GRIK5: variants seen among roughly 807,000 people sequenced by gnomAD.
GRIK5 encodes the protein glutamate receptor ionotropic, kainate 5.
GRIK5 carries 43 observed loss-of-function variants against 97.4 expected under a neutral mutation model. The observed-to-expected ratio is 0.44, with a 90% confidence interval of 0.35 to 0.57. The LOEUF (loss-of-function observed/expected upper bound fraction) is 0.57. GRIK5 is among the 20% of genes least tolerant of loss of function. The probability of loss-of-function intolerance (pLI) is 0.01; values close to 1 mark genes in which losing one functional copy is unlikely to be tolerated. For synonymous variants in GRIK5, 580 were observed against 583.5 expected, an observed-to-expected ratio of 0.99 and a Z score of 0.09; for missense variants, 1,015 against 1,382.0, an observed-to-expected ratio of 0.73 and a Z score of 4.21.
chr19:42,049,716 A>G (rs181393885), intron 11 of GRIK5, among the ~76,000 whole-genome samples: 9 of 152,330 alleles, frequency 5.9e-5, no homozygotes, highest in African/African-American at 1.9e-4. Flanking sequence ...GAGAAGTAAC[A>G]CGATTTGTGC....
intron 9 of GRIK5, 92 bp downstream of exon 9, chr19:42,054,228 G>A: frequency 7.3e-7 from 1 of 1,363,718 alleles, no homozygotes; most frequent in East Asian, 2.3e-5. Flanking sequence ...GGAAGAGCAG[G>A]GAGGGCAGAG....
rs146405283 is a variant in GRIK5 at position 42,056,275 on chromosome 19, C to G, written c.903+387G>C. Among the ~76,000 whole-genome samples, 9 of 152,216 alleles carry G rather than the reference C, an allele frequency of 5.9e-5. No individual in the cohort carries two copies. In the East Asian group the frequency reaches 1.7e-3, roughly 29 times the overall value. On this transcript the variant is annotated intron_variant, in intron 8 of 19. Coordinates refer to ENST00000593562, the MANE Select transcript of GRIK5 (RefSeq NM_002088.5). ...CTGGGATTACAGGTGTGAGCCACCG[C>G]GCCGGGCCAAGTTTACCATTTTTTA...
intron 8 of GRIK5, among the ~76,000 whole-genome samples, chr19:42,055,385 C>CTTGGTA (rs765823865): frequency 3.3e-5 from 5 of 152,182 alleles, no homozygotes; most frequent in Admixed American, 6.5e-5. Context: ...GTCTTGGTGT[C>CTTGGTA]TTGGTATCTG....
chr19:42,065,185 T>C lies in GRIK5; in HGVS notation c.244+38A>G. 6.4e-7 allele frequency: 1 copy of C among 1,572,190 alleles called. No individual in the cohort carries two copies. The highest frequency in any genetic ancestry group is 2.3e-5 in the East Asian group (1 of 44,250). On this transcript the variant is annotated intron_variant, in intron 3 of 19. Transcript: ENST00000593562. The surrounding 1 kb of genome is among the most constrained non-coding windows in gnomAD (Gnocchi z 5.8). ...AGGGATGGACTGAGGGCCACCGACC[T>C]GCCCTGCCTCACCCCACGCCCCCAT...
chr19:42,019,939 G>A (rs896246622), intron 15 of GRIK5, among the ~76,000 whole-genome samples: 1 of 151,594 alleles, frequency 6.6e-6, no homozygotes, highest in Non-Finnish European at 1.5e-5. Context: ...GTAACTTTTT[G>A]CAGTAGCAAT....
intron 1 of GRIK5, among the ~76,000 whole-genome samples, chr19:42,066,233 A>G (rs1209825586): frequency 6.6e-6 from 1 of 151,998 alleles, no homozygotes; most frequent in African/African-American, 2.4e-5. Flanking sequence ...ACTAGGCAAC[A>G]GAAACCGGCT....
intron 1 of GRIK5, among the ~76,000 whole-genome samples, chr19:42,066,583 T>C (rs1020910753): frequency 1.4e-5 from 2 of 147,250 alleles, no homozygotes; most frequent in East Asian, 2.0e-4. Context: ...TCAAAATAGA[T>C]AGAAATACAA....
At chr19:42,043,363 C>T (rs1442001397) in intron 11 of GRIK5, among the ~76,000 whole-genome samples, 1 of 151,874 alleles carries the variant, frequency 6.6e-6, no homozygotes, top group Admixed American at 6.6e-5. Flanking sequence ...TCCAATTCCC[C>T]ATGAGGGAGG....
In GRIK5 at chr19:42,062,408, G is replaced by A. The variant is rs2076270620; in HGVS notation, c.508+80C>T. 1 of 1,461,372 alleles carries A rather than the reference G, an allele frequency of 6.8e-7. No individual in the cohort carries two copies. The allele number at this position is 1,461,372 out of a possible 1,614,324, so 90.5% of individuals were successfully genotyped here. Reference sequence around the variant, plus strand: ...CCCAGGGTTCTAACTAGGGGGCAGTGAACCACTGTGTGGGACACCAGATCT... The same window carrying A: ...CCCAGGGTTCTAACTAGGGGGCAGTAAACCACTGTGTGGGACACCAGATCT... On this transcript the variant is annotated intron_variant, in intron 5 of 19. Coordinates refer to ENST00000593562, the MANE Select transcript of GRIK5 (RefSeq NM_002088.5). This position sits in a 1 kb window ranked among gnomAD's most constrained non-coding sequence, Gnocchi z 5.3.
chr19:42,058,035 G>A (rs1293748099), intron 6 of GRIK5, among the ~76,000 whole-genome samples: 2 of 152,156 alleles, frequency 1.3e-5, no homozygotes, highest in Non-Finnish European at 2.9e-5. Context: ...CACACGGCTG[G>A]CACGGGAGGG....
At position 42,065,467 on chromosome 19, in the gene GRIK5, T is replaced by G; in HGVS notation, c.80-80A>C. The G allele has an allele frequency of 6.4e-6, 9 of 1,412,100 alleles. No homozygotes were observed. The highest frequency in any genetic ancestry group is 1.4e-5 in the African/African-American group (1 of 70,486). The allele number at this position is 1,412,100 out of a possible 1,614,324, so 87.5% of individuals were successfully genotyped here. On this transcript the variant is annotated intron_variant, in intron 2 of 19. Transcript: ENST00000593562. This position sits in a 1 kb window ranked among gnomAD's most constrained non-coding sequence, Gnocchi z 5.8. ...GCTGTGGTCTTAGACTCCAGGGCTC[T>G]AGGGTGAGGTGGGTATACGGACCAG...
rs1340517451 is a variant in GRIK5, at chr19:42,062,068, CTCTT to C, written c.508+416_508+419del. 2.8e-4 allele frequency among the ~76,000 whole-genome samples: 43 copies of C among 152,206 alleles called. No homozygotes were observed. The highest frequency in any genetic ancestry group is 1.9e-3 in the Admixed American group (29 of 15,284). On this transcript the variant is annotated intron_variant, in intron 5 of 19. Coordinates refer to ENST00000593562, the MANE Select transcript of GRIK5 (RefSeq NM_002088.5). The surrounding 1 kb of genome is among the most constrained non-coding windows in gnomAD (Gnocchi z 5.3). Reference sequence around the variant, plus strand: ...CACCCTTCAGGTTCAGCTTGGATGTCTCTTTCTCATAGACACAGGCTCTGAACCT... The same window carrying C: ...CACCCTTCAGGTTCAGCTTGGATGTCTCTCATAGACACAGGCTCTGAACCT...
At chr19:42,013,408 CTTTTTTTTTTT>C (rs961451223) in intron 15 of GRIK5, among the ~76,000 whole-genome samples, 1 of 123,244 alleles carries the variant, frequency 8.1e-6, no homozygotes, top group African/African-American at 3.0e-5. Context: ...TTTTTCTTTT[CTTTTTTTTTTT>C]TTTTTTTTGA....
At chr19:42,044,719 A>T (rs1428774308) in intron 11 of GRIK5, among the ~76,000 whole-genome samples, 1 of 152,212 alleles carries the variant, frequency 6.6e-6, no homozygotes, top group Non-Finnish European at 1.5e-5. Context: ...GGAGGCCAAG[A>T]CAGGTGGATG....
In GRIK5 at chr19:42,002,483, C is replaced by T; in HGVS notation, c.2514+849G>A. The T allele has an allele frequency of 1.4e-6, 1 of 717,064 alleles. No individual in the cohort carries two copies. 44.4% of individuals were successfully genotyped at this position (717,064 alleles called of 1,614,324 possible). A position where few individuals can be genotyped will look rare whatever the true frequency, so the allele number is the denominator to read the frequency against. On this transcript the variant is annotated intron_variant, in intron 19 of 19. Transcript: ENST00000593562. This position sits in a 1 kb window ranked among gnomAD's most constrained non-coding sequence, Gnocchi z 5.2. ...ACCTTTACTAGCAGCATGGACGGCT[C>T]CTTCAGAGGAGTCCTTGGGCCAAGT...
chr19:42,028,138 C>T (rs1207880268), intron 12 of GRIK5, among the ~76,000 whole-genome samples: 1 of 152,170 alleles, frequency 6.6e-6, no homozygotes, highest in Non-Finnish European at 1.5e-5. Flanking sequence ...TGGTAAAAGA[C>T]CTATTCCTTA....
Position 42,002,138 on chromosome 19 carries a change from C to G in GRIK5, c.2514+1194G>C, listed in dbSNP as rs781828412. 2 of 717,484 alleles carry G rather than the reference C, an allele frequency of 2.8e-6. No homozygotes were observed. Among genetic ancestry groups the G allele is most frequent in the South Asian group, 3.0e-5 (2 of 67,574 alleles). 44.4% of individuals were successfully genotyped at this position (717,484 alleles called of 1,614,324 possible). ...TTTCAGACATGGAAGTTGCTGGTGA[C>G]AAGAGTGGCTTCAGTGGAGTGGCAG... On this transcript the variant is annotated intron_variant, in intron 19 of 19. Coordinates refer to ENST00000593562, the MANE Select transcript of GRIK5 (RefSeq NM_002088.5). This position sits in a 1 kb window ranked among gnomAD's most constrained non-coding sequence, Gnocchi z 5.2.
chr19:42,044,460 C>T (rs934864888), intron 11 of GRIK5, among the ~76,000 whole-genome samples: 4 of 152,166 alleles, frequency 2.6e-5, no homozygotes, highest in African/African-American at 4.8e-5. Flanking sequence ...TTACTGATCC[C>T]GTTGTGCCAA....
At chr19:42,012,130 G>C (rs1418528904) in intron 15 of GRIK5, among the ~76,000 whole-genome samples, 1 of 152,144 alleles carries the variant, frequency 6.6e-6, no homozygotes, top group African/African-American at 2.4e-5. Flanking sequence ...ATGGCCCACA[G>C]GCCAAATCTG....
Sources: gnomAD v4.1 joint callset for allele counts (sites outside exome capture counted in the v4.1 genomes callset) on GRCh38, gnomAD v4.1.1 for gene constraint, Gnocchi (gnomAD v3.1) non-coding constraint, MANE v1.5 for transcripts, NCBI Gene and HGNC (gene_info 2026-07-23, HGNC 2026-07-21) for gene names.